ATL1: variants seen among roughly 807,000 people sequenced by gnomAD.
The protein encoded by ATL1 is atlastin-1.
Under a neutral mutation model 75.5 loss-of-function variants are expected in ATL1, and 31 were observed. That is an observed-to-expected ratio of 0.41 (90% confidence interval 0.31 to 0.55). The LOEUF is 0.55. Ranked by LOEUF, ATL1 falls within the 20% of genes least tolerant of loss-of-function variation. The pLI, the probability that ATL1 is intolerant of heterozygous loss-of-function variation, is 0.27. For missense variants in ATL1, 405 were observed against 662.6 expected (o/e 0.61, Z 4.27); for synonymous variants, 226 against 233.3 (o/e 0.97, Z 0.28).
intron 11 of ATL1, among the ~76,000 whole-genome samples, chr14:50,627,553 A>G (rs556921123): frequency 6.6e-6 from 1 of 152,368 alleles, no homozygotes; most frequent in South Asian, 2.1e-4. Context: ...TTCAAATAAA[A>G]ATCAGTAAAA....
intron 1 of ATL1, among the ~76,000 whole-genome samples, chr14:50,563,302 TC>T (rs1359344667): frequency 6.6e-6 from 1 of 152,190 alleles, no homozygotes; most frequent in Non-Finnish European, 1.5e-5. Flanking sequence ...TGGGTTTTTT[TC>T]CTAATTTATT....
intron 1 of ATL1, among the ~76,000 whole-genome samples, chr14:50,539,650 A>G (rs1367404230): frequency 6.6e-6 from 1 of 152,238 alleles, no homozygotes; most frequent in East Asian, 1.9e-4. Flanking sequence ...TTTAAACATG[A>G]GTTAGAAGAA....
intron 1 of ATL1, among the ~76,000 whole-genome samples, chr14:50,570,471 C>A (rs1247194980): frequency 2.0e-5 from 3 of 152,068 alleles, no homozygotes; most frequent in Non-Finnish European, 4.4e-5. Context: ...AAAATCCTGG[C>A]CACAAGTGAT....
At chr14:50,591,943 C>T (rs907884756) in intron 4 of ATL1, 7 of 300,774 alleles carry the variant, frequency 2.3e-5, no homozygotes, top group Admixed American at 4.7e-5. Context: ...ATCTTATATG[C>T]GTATACATTG....
chr14:50,578,905 T>C (rs998833560), intron 1 of ATL1, among the ~76,000 whole-genome samples: 1 of 152,240 alleles, frequency 6.6e-6, no homozygotes. Context: ...GCTGTATCCA[T>C]TTTAATTCCC....
At chr14:50,596,155 A>C (rs912599544) in intron 6 of ATL1, among the ~76,000 whole-genome samples, 3 of 152,212 alleles carry the variant, frequency 2.0e-5, no homozygotes, top group Admixed American at 2.0e-4. Flanking sequence ...TAATAATAAA[A>C]GGTTATTTCA....
At chr14:50,573,383 T>C (rs2038972547) in intron 1 of ATL1, among the ~76,000 whole-genome samples, 2 of 152,356 alleles carry the variant, frequency 1.3e-5, no homozygotes, top group Non-Finnish European at 2.9e-5. Context: ...TAGTCATATG[T>C]GGCTATTGAG....
chr14:50,577,607 A>G (rs2039017895), intron 1 of ATL1, among the ~76,000 whole-genome samples: 1 of 152,158 alleles, frequency 6.6e-6, no homozygotes, highest in South Asian at 2.1e-4. Flanking sequence ...TAGTTTTAGA[A>G]CATTTTCATT....
chr14:50,621,827 TTTTC>T lies in ATL1; in HGVS notation c.991-12_991-9del. 1 of 1,523,438 alleles carries T rather than the reference TTTTC, an allele frequency of 6.6e-7. No homozygotes were observed. Among genetic ancestry groups the T allele is most frequent in the Non-Finnish European group, 9.1e-7 (1 of 1,100,924 alleles). The allele number at this position is 1,523,438 out of a possible 1,614,324, so 94.4% of individuals were successfully genotyped here. A position where few individuals can be genotyped will look rare whatever the true frequency, so the allele number is the denominator to read the frequency against. Reference sequence around the variant, plus strand: ...AATGGAATTGCTTGAACATGAATCTTTTTCTTTTTTTTTAGGCTTATATAAAGAT... The same window carrying T: ...AATGGAATTGCTTGAACATGAATCTTTTTTTTTTTAGGCTTATATAAAGAT... On this transcript the variant is annotated splice_polypyrimidine_tract_variant and intron_variant, in intron 9 of 13. Coordinates refer to ENST00000358385, the MANE Select transcript of ATL1 (RefSeq NM_015915.5).
At chr14:50,630,659 G>T (rs1166545759) in intron 13 of ATL1, among the ~76,000 whole-genome samples, 1 of 152,170 alleles carries the variant, frequency 6.6e-6, no homozygotes, top group Non-Finnish European at 1.5e-5. Context: ...AGCTGATCTT[G>T]AACAACTATA....
chr14:50,591,635 T>C lies in ATL1; in HGVS notation c.518T>C (p.Ile173Thr), dbSNP rs2039159377. 6.2e-7 allele frequency: 1 copy of C among 1,609,786 alleles called. No individual in the cohort carries two copies. Among genetic ancestry groups the C allele is most frequent in the African/African-American group, 1.3e-5 (1 of 74,854 alleles). ...GCCCTTAGCACAATGATCAGCTCAA[T>C]ACAGGTATGAAATAAGCCCATTTTG... Reference protein sequence around the residue: ...VFALSTMISSIQVYNLSQNVQ... With the variant: ...VFALSTMISSTQVYNLSQNVQ... The change falls in exon 4 of 14, where the codon ATA (isoleucine) becomes ACA (threonine). Residue 173 changes from isoleucine to threonine, a missense_variant. Transcript: ENST00000358385.
In ATL1 at chr14:50,587,944, G is replaced by A; in HGVS notation, c.148G>A (p.Glu50Lys). The A allele has an allele frequency of 1.2e-6, 2 of 1,614,152 alleles. No individual in the cohort carries two copies. Among genetic ancestry groups the A allele is most frequent in the Non-Finnish European group, 8.5e-7 (1 of 1,180,020 alleles). The change falls in exon 2 of 14, where the codon GAA becomes AAA. Residue 50 changes from glutamate to lysine, a missense_variant. Physicochemically the swap from Glu to Lys is moderately conservative, Grantham distance 56. Transcript: ENST00000358385. ...AGATGACCATTCCTTTGAGTTAGAT[G>A]AAACTGCATTAAATCGGATCCTTCT... Reference protein sequence around the residue: ...VKDDHSFELDETALNRILLSE... With the variant: ...VKDDHSFELDKTALNRILLSE...
intron 1 of ATL1, among the ~76,000 whole-genome samples, chr14:50,577,451 A>G (rs1345581813): frequency 1.3e-5 from 2 of 152,212 alleles, no homozygotes; most frequent in Admixed American, 6.5e-5. Context: ...GTTATTTTAC[A>G]GAAACTGAAG....
intron 11 of ATL1, among the ~76,000 whole-genome samples, chr14:50,625,766 C>T (rs187400718): frequency 3.9e-4 from 60 of 151,990 alleles, no homozygotes; most frequent in African/African-American, 1.3e-3. Flanking sequence ...AAAAATTAGC[C>T]GGGCGCAGAG....
intron 11 of ATL1, among the ~76,000 whole-genome samples, chr14:50,625,602 T>C (rs72679584): frequency 0.17 from 25,937 of 152,086 alleles, 2,573 homozygotes; most frequent in African/African-American, 0.27. Flanking sequence ...TCATTTACCA[T>C]TCCCCAAATT....
At chr14:50,597,220 C>CAAAAAAAAAAAAAAAAAAAAAAA (rs372066395) in intron 6 of ATL1, among the ~76,000 whole-genome samples, 51 of 108,230 alleles carry the variant, frequency 4.7e-4, no homozygotes, top group African/African-American at 1.2e-3. Context: ...AAAAAACAAA[C>CAAAAAAAAAAAAAAAAAAAAAAA]AAAAAAAAAA....
intron 13 of ATL1, chr14:50,630,981 A>G (rs761914749): frequency 4.4e-6 from 2 of 455,312 alleles, no homozygotes; most frequent in South Asian, 3.1e-5. Context: ...AATCAAGGCC[A>G]GGCGCGGTGG....
chr14:50,569,577 A>ACAAACTGTT (rs1321947058), intron 1 of ATL1, among the ~76,000 whole-genome samples: 2 of 152,224 alleles, frequency 1.3e-5, no homozygotes, highest in African/African-American at 4.8e-5. Context: ...AGATGAAGCT[A>ACAAACTGTT]CAAACTGTTG....
intron 1 of ATL1, among the ~76,000 whole-genome samples, chr14:50,576,856 T>C (rs143991614): frequency 0.012 from 1,782 of 152,068 alleles, 11 homozygotes; most frequent in Non-Finnish European, 0.017. Flanking sequence ...GGATTACAGA[T>C]ATGAGCCACC....
Sources: allele counts gnomAD v4.1 joint callset (sites outside exome capture counted in the v4.1 genomes callset), GRCh38; gene constraint gnomAD v4.1.1; transcripts MANE v1.5; gene names NCBI Gene and HGNC (gene_info 2026-07-23, HGNC 2026-07-21).